PPFIA4: variants seen among roughly 807,000 people sequenced by gnomAD.
The protein encoded by PPFIA4 is liprin-alpha-4.
In PPFIA4, 98 loss-of-function variants were observed where a neutral mutation model predicts 145.7. That is an observed-to-expected ratio of 0.67 (90% CI 0.57 to 0.80). The LOEUF is 0.80. Ranked by LOEUF, PPFIA4 falls within the 30% of genes least tolerant of loss-of-function variation. The pLI is 0.00. For missense variants in PPFIA4, 1,457 were observed against 1,632.7 expected (o/e 0.89, Z 1.85); for synonymous variants, 628 against 649.6 (o/e 0.97, Z 0.51).
chr1:203,044,670 A>T (rs1425016809), intron 5 of PPFIA4, 26 bp from the exon 6 acceptor site: 3 of 1,537,316 alleles, frequency 2.0e-6, no homozygotes, highest in Non-Finnish European at 2.6e-6. Flanking sequence ...TCTTTGACTC[A>T]TTGCCCTGGG....
intron 28 of PPFIA4, among the ~76,000 whole-genome samples, chr1:203,073,373 T>C (rs773529147): frequency 4.6e-5 from 7 of 152,220 alleles, no homozygotes; most frequent in Non-Finnish European, 1.0e-4. Context: ...GGTGGAGTTA[T>C]TGTTTAGACA....
chr1:203,059,566 C>T (rs370874551), intron 20 of PPFIA4, among the ~76,000 whole-genome samples: 86 of 152,258 alleles, frequency 5.6e-4, no homozygotes, highest in Non-Finnish European at 1.0e-3. Context: ...GAGAGCTCCT[C>T]GCCCTCTTGG....
At position 203,034,874 on chromosome 1, in the gene PPFIA4, A is replaced by G. The variant is rs78224505; in HGVS notation, c.-399-3736A>G. ...CTTCTACCCCTCTTTGGCATGAGAC[A>G]GACAAATTGAATCCTGGTTCTTCAT... On this transcript the variant is annotated intron_variant, in intron 1 of 29. Coordinates refer to ENST00000295706, the MANE Select transcript of PPFIA4 (RefSeq NM_001304331.2). 8.9e-4 allele frequency: 315 copies of G among 353,558 alleles called. 2 individuals carry two copies. The highest frequency in any genetic ancestry group is 6.4e-3 in the African/African-American group (299 of 46,802). The allele number at this position is 353,558 out of a possible 1,614,324, so 21.9% of individuals were successfully genotyped here.
intron 14 of PPFIA4, 111 bp downstream of exon 14, chr1:203,051,988 C>CTT: frequency 8.3e-7 from 1 of 1,201,760 alleles, no homozygotes; most frequent in South Asian, 1.5e-5. Flanking sequence ...CCTTCCCTCC[C>CTT]GTGTCAATGA....
rs1201069007 is a variant in PPFIA4, at chr1:203,045,528, T to A, written c.827T>A (p.Leu276Gln). The A allele has an allele frequency of 6.2e-7, 1 of 1,602,926 alleles. No homozygotes were observed. The highest frequency in any genetic ancestry group is 1.1e-5 in the South Asian group (1 of 89,144). The change falls in exon 7 of 30, where the codon CTG (leucine) becomes CAG (glutamine). Residue 276 changes from leucine (L) to glutamine (Q), a missense_variant. Leu to Gln is a moderately radical substitution (Grantham distance 113). Transcript: ENST00000295706. ...ARRDLIKSEELSSKHQRDLRE... is the reference protein window; with the variant it reads ...ARRDLIKSEEQSSKHQRDLRE... ...CGGGACCTCATCAAGTCGGAGGAGC[T>A]GAGCAGCAAGCATCAGCGGGACCTC...
intron 19 of PPFIA4, 81 bp downstream of exon 19, chr1:203,057,031 C>T: frequency 6.3e-7 from 1 of 1,575,484 alleles, no homozygotes; most frequent in South Asian, 1.2e-5. Flanking sequence ...CTGGCCTTCT[C>T]TGCCTGCGTC....
Position 203,059,243 on chromosome 1 carries a change from G to T in PPFIA4, c.2473G>T (p.Ala825Ser), listed in dbSNP as rs61732315. Residue 825 changes from alanine to serine, a missense_variant, in exon 20 of 30, where the codon GCA becomes TCA. Physicochemically the swap from Ala to Ser is moderately conservative, Grantham distance 99 (BLOSUM62 1). Around this residue, in one of 3 missense-constraint regions of PPFIA4, gnomAD observed 848 missense variants for 1,046.7 expected, o/e 0.81. Transcript: ENST00000295706. ...PMVPAKLGTQ[A>S]EKDRRLKKKH... ...GGTGCCTGCCAAGCTGGGGACCCAG[G>T]CAGAGAAGGACCGGCGGCTAAAGAA... 264,464 of 1,549,152 alleles carry T rather than the reference G, an allele frequency of 0.17. 23,990 individuals carry two copies. Among genetic ancestry groups the T allele is most frequent in the Non-Finnish European group, 0.18 (206,857 of 1,137,042 alleles).
intron 1 of PPFIA4, chr1:203,035,251 G>A (rs1002449916): frequency 6.4e-5 from 29 of 456,376 alleles, no homozygotes; most frequent in Admixed American, 4.2e-4. Flanking sequence ...GCCCTGCCCC[G>A]GGCTGTGGTC....
At chr1:203,042,889 T>C (rs1482226612) in intron 2 of PPFIA4, among the ~76,000 whole-genome samples, 2 of 152,180 alleles carry the variant, frequency 1.3e-5, no homozygotes, top group African/African-American at 4.8e-5. Flanking sequence ...TCTGCCCGGC[T>C]CAGCCTCCCA....
chr1:203,042,806 T>G (rs147300343), intron 2 of PPFIA4, among the ~76,000 whole-genome samples: 4,338 of 152,206 alleles, frequency 0.029, 195 homozygotes, highest in African/African-American at 0.098. Context: ...GTCTGACTAA[T>G]TTTTGTATTT....
At chr1:203,034,597 G>A (rs1190470644) in intron 1 of PPFIA4, 2 of 456,530 alleles carry the variant, frequency 4.4e-6, no homozygotes, top group South Asian at 1.5e-5. Context: ...TTGGTGTGGA[G>A]CCAGCTAGGG....
Position 203,043,387 on chromosome 1 carries a change from G to C in PPFIA4, c.235-10G>C. The C allele has an allele frequency of 6.2e-7, 1 of 1,604,552 alleles. No homozygotes were observed. On this transcript the variant is annotated splice_polypyrimidine_tract_variant and intron_variant, in intron 2 of 29. Transcript: ENST00000295706. This position sits in a 1 kb window ranked among gnomAD's most constrained non-coding sequence, Gnocchi z 4.4. ...ATCCTGAAGCACTGAGGGGCCTTGG[G>C]GGTTTTCAGGAATTTGCCACCTTAA...
At chr1:203,042,171 A>T (rs1038674728) in intron 2 of PPFIA4, among the ~76,000 whole-genome samples, 1 of 152,136 alleles carries the variant, frequency 6.6e-6, no homozygotes, top group African/African-American at 2.4e-5. Context: ...TTGGACATCC[A>T]CAGAGTTGGG....
At chr1:203,028,093 T>C (rs994845421) in intron 1 of PPFIA4, among the ~76,000 whole-genome samples, 2 of 152,160 alleles carry the variant, frequency 1.3e-5, no homozygotes, top group Non-Finnish European at 2.9e-5. Context: ...AAAATGGTTA[T>C]TGGGGGCCAA....
Position 203,029,033 on chromosome 1 carries a change from G to A in PPFIA4, c.-400+2404G>A, listed in dbSNP as rs1005936068. Among the ~76,000 whole-genome samples, 38 of 152,202 alleles carry A rather than the reference G, an allele frequency of 2.5e-4. No individual in the cohort carries two copies. In the East Asian group the frequency reaches 6.4e-3, roughly 26 times the overall value. The stretch of plus-strand genomic sequence containing the variant: ...CTCTGCATTTGCTGTACTGGGAGGG[G>A]CCTGAGGCAACTGAGAATGTCACAG... On this transcript the variant is annotated intron_variant, in intron 1 of 29. Transcript: ENST00000295706.
At chr1:203,045,772 G>A in intron 7 of PPFIA4, 69 bp from the exon 8 acceptor site, 1 of 1,603,872 alleles carries the variant, frequency 6.2e-7, no homozygotes, top group Non-Finnish European at 8.5e-7. Context: ...AGGTGTGGGT[G>A]GGGAGGTGTA....
rs145811305 is a variant in PPFIA4 at position 203,035,230 on chromosome 1, C to G, written c.-399-3380C>G. 3.2e-3 allele frequency: 1,467 copies of G among 453,552 alleles called. 20 individuals carry two copies. The highest frequency in any genetic ancestry group is 0.028 in the African/African-American group (1,383 of 50,092). 28.1% of individuals were successfully genotyped at this position (453,552 alleles called of 1,614,324 possible). A position where few individuals can be genotyped will look rare whatever the true frequency, so the allele number is the denominator to read the frequency against. ...TTGCCCAGCTGAATAGCCCCTCAGA[C>G]GCTCCTAGCGGCCCTGCCCCGGGCT... On this transcript the variant is annotated intron_variant, in intron 1 of 29. Transcript: ENST00000295706.
Position 203,043,922 on chromosome 1 carries a change from C to T in PPFIA4, c.337-9C>T. The T allele has an allele frequency of 6.3e-7, 1 of 1,592,088 alleles. No homozygotes were observed. The highest frequency in any genetic ancestry group is 1.1e-5 in the South Asian group (1 of 87,982). ...CCTCCCTCTCACCCTCCCCTGCTCT[C>T]CCTGCCAGCTGCTTCTGGAACATCT... On this transcript the variant is annotated splice_polypyrimidine_tract_variant and intron_variant, in intron 3 of 29. Coordinates refer to ENST00000295706, the MANE Select transcript of PPFIA4 (RefSeq NM_001304331.2). The surrounding 1 kb of genome is among the most constrained non-coding windows in gnomAD (Gnocchi z 4.4).
chr1:203,059,353 A>C, intron 20 of PPFIA4, 82 bp downstream of exon 20: 1 of 1,226,428 alleles, frequency 8.2e-7, no homozygotes, highest in South Asian at 1.3e-5. Context: ...TGTGAAACTG[A>C]GCTCAGAGAC....
Sources: allele counts gnomAD v4.1 joint callset (sites outside exome capture counted in the v4.1 genomes callset), GRCh38; gene constraint gnomAD v4.1.1; regional missense constraint gnomAD v4.1.1; non-coding constraint Gnocchi (gnomAD v3.1); transcripts MANE v1.5; gene names NCBI Gene and HGNC (gene_info 2026-07-23, HGNC 2026-07-21).